Variants in CSMD1 observed in about 807,000 individuals in gnomAD.
CSMD1 encodes the protein CUB and sushi domain-containing protein 1.
In CSMD1, 213 loss-of-function variants were observed where a neutral mutation model predicts 417.5. The ratio of observed to expected loss-of-function variants is 0.51; its 90% CI spans 0.46 to 0.57. CSMD1 has a LOEUF of 0.57. Among genes scored for constraint, CSMD1 ranks in the 20% least tolerant of loss-of-function variants. The pLI is 0.00. For synonymous variants in CSMD1, 2,862 were observed against 1,736.8 expected (o/e 1.65, Z -16.11); for missense variants, 6,923 against 4,529.7 (o/e 1.53, Z -15.17).
chr8:3,242,272 G>C (rs1433840707), intron 26 of CSMD1, among the ~76,000 whole-genome samples: 1 of 151,354 alleles, frequency 6.6e-6, no homozygotes, highest in Non-Finnish European at 1.5e-5. Flanking sequence ...GGAAGATTTG[G>C]GACCTAGCTC....
chr8:3,452,440 A>G (rs1454657123), intron 12 of CSMD1, among the ~76,000 whole-genome samples: 1 of 152,136 alleles, frequency 6.6e-6, no homozygotes, highest in Non-Finnish European at 1.5e-5. Context: ...TCAGTATGAT[A>G]TTGGCTGTGG....
At chr8:3,175,523 TCC>T (rs1563111756) in intron 37 of CSMD1, among the ~76,000 whole-genome samples, 14 of 142,148 alleles carry the variant, frequency 9.8e-5, no homozygotes, top group African/African-American at 3.3e-4. Flanking sequence ...TTTCCTTCCT[TCC>T]TTCCTTCCTT....
At chr8:3,143,575 A>C (rs546657390) in intron 40 of CSMD1, among the ~76,000 whole-genome samples, 1 of 152,224 alleles carries the variant, frequency 6.6e-6, no homozygotes, top group Non-Finnish European at 1.5e-5. Context: ...AGATATTCTA[A>C]CTCATTTAAG....
At chr8:3,219,524 T>G in intron 28 of CSMD1, 82 bp from the exon 29 acceptor site, 1 of 989,992 alleles carries the variant, frequency 1.0e-6, no homozygotes, top group Non-Finnish European at 1.4e-6. Flanking sequence ...GCTCAGAAAG[T>G]GATTTTATTT....
intron 3 of CSMD1, among the ~76,000 whole-genome samples, chr8:4,198,428 G>A (rs556758059): frequency 2.0e-5 from 3 of 152,322 alleles, no homozygotes; most frequent in South Asian, 4.1e-4. Context: ...ATATAGATAA[G>A]CCATACCTGT....
At chr8:3,345,978 C>T (rs13248696) in intron 22 of CSMD1, among the ~76,000 whole-genome samples, 18,772 of 152,136 alleles carry the variant, frequency 0.12, 1,724 homozygotes, top group African/African-American at 0.26. Flanking sequence ...TGTTTATTTA[C>T]GTGTGCAGGG....
intron 1 of CSMD1, among the ~76,000 whole-genome samples, chr8:4,777,084 G>T (rs894266119): frequency 6.6e-6 from 1 of 152,132 alleles, no homozygotes; most frequent in Admixed American, 6.6e-5. Flanking sequence ...ATTTTATTTA[G>T]ATCAGTCCTT....
At chr8:4,814,434 A>G (rs988480686) in intron 1 of CSMD1, among the ~76,000 whole-genome samples, 1 of 152,156 alleles carries the variant, frequency 6.6e-6, no homozygotes, top group African/African-American at 2.4e-5. Context: ...TTTAGTAGAA[A>G]CACGGTTTCA....
At chr8:3,617,113 C>G (rs2046219) in intron 7 of CSMD1, among the ~76,000 whole-genome samples, 138,389 of 152,168 alleles carry the variant, frequency 0.91, 63,147 homozygotes, top group Middle Eastern at 0.96. Context: ...ACAGCATGAT[C>G]AGAAAAACAG....
chr8:3,025,591 C>A (rs906663697), intron 51 of CSMD1, among the ~76,000 whole-genome samples: 1 of 152,234 alleles, frequency 6.6e-6, no homozygotes, highest in Non-Finnish European at 1.5e-5. Context: ...CAAGCATCTC[C>A]CTTTCCAATG....
At chr8:3,918,293 G>T (rs1464619) in intron 5 of CSMD1, among the ~76,000 whole-genome samples, 35,232 of 151,906 alleles carry the variant, frequency 0.23, 5,045 homozygotes, top group African/African-American at 0.39. Context: ...CTTTTCATAA[G>T]GACTGAGCCA....
chr8:4,740,654 G>C (rs565278746), intron 1 of CSMD1, among the ~76,000 whole-genome samples: 1 of 152,270 alleles, frequency 6.6e-6, no homozygotes, highest in South Asian at 2.1e-4. Context: ...GCAGCTCTCT[G>C]GCTTTTCACT....
chr8:4,125,740 C>G (rs10108603), intron 3 of CSMD1, among the ~76,000 whole-genome samples: 23,480 of 152,088 alleles, frequency 0.15, 1,951 homozygotes, highest in South Asian at 0.29. Flanking sequence ...CAGTTTGACT[C>G]TGAAACAAAA....
intron 26 of CSMD1, among the ~76,000 whole-genome samples, chr8:3,266,570 C>T (rs568371596): frequency 9.3e-5 from 12 of 129,496 alleles, no homozygotes; most frequent in African/African-American, 3.5e-4. Context: ...CATGCCATTG[C>T]ATTCCAGCCT....
chr8:4,002,332 T>G (rs766731422), intron 4 of CSMD1, among the ~76,000 whole-genome samples: 1 of 152,162 alleles, frequency 6.6e-6, no homozygotes, highest in East Asian at 1.9e-4. Context: ...TCTTAATTTC[T>G]CCGCTATTTT....
chr8:4,371,251 C>T (rs1356205672), intron 3 of CSMD1, among the ~76,000 whole-genome samples: 1 of 152,142 alleles, frequency 6.6e-6, no homozygotes, highest in Non-Finnish European at 1.5e-5. Flanking sequence ...ACCAGGTCAG[C>T]AGTTTGGCTT....
chr8:4,292,833 TC>T (rs1452272542), intron 3 of CSMD1, among the ~76,000 whole-genome samples: 11 of 152,096 alleles, frequency 7.2e-5, no homozygotes, highest in African/African-American at 2.7e-4. Flanking sequence ...AGAGTCAGGG[TC>T]CCTAAGAATA....
chr8:4,261,164 T>G (rs1485846847), intron 3 of CSMD1, among the ~76,000 whole-genome samples: 1 of 152,200 alleles, frequency 6.6e-6, no homozygotes. Flanking sequence ...TTGAAAGTTG[T>G]CTATTCTGCT....
At chr8:4,160,127 G>A (rs114733550) in intron 3 of CSMD1, among the ~76,000 whole-genome samples, 9 of 151,358 alleles carry the variant, frequency 5.9e-5, no homozygotes, top group African/African-American at 2.2e-4. Context: ...AAAAAATAAC[G>A]TCTTAATTCC....
Sources: allele counts gnomAD v4.1 joint callset (sites outside exome capture counted in the v4.1 genomes callset), GRCh38; gene constraint gnomAD v4.1.1; transcripts MANE v1.5; gene names NCBI Gene and HGNC (gene_info 2026-07-23, HGNC 2026-07-21).